The following PSMB7 variants were observed in gnomAD, a reference collection of about 807,000 sequenced individuals.
PSMB7 encodes the protein proteasome 20S subunit beta 7, also known as proteasome subunit beta type-7.
In PSMB7, 5 loss-of-function variants were observed where a neutral mutation model predicts 28.1. The observed-to-expected ratio is 0.18, with a 90% CI of 0.09 to 0.37. The LOEUF is 0.37. Ranked by LOEUF, PSMB7 falls within the 10% of genes least tolerant of loss-of-function variation. The probability of loss-of-function intolerance (pLI) is 1.00; values close to 1 mark genes in which losing one functional copy is unlikely to be tolerated. For synonymous variants in PSMB7, 122 were observed against 123.7 expected (o/e 0.99, Z 0.09); for missense variants, 275 against 346.2 (o/e 0.79, Z 1.63).
At chr9:124,381,153 C>A (rs1830660890) in intron 6 of PSMB7, among the ~76,000 whole-genome samples, 1 of 152,142 alleles carries the variant, frequency 6.6e-6, no homozygotes, top group South Asian at 2.1e-4. Flanking sequence ...TAGCGCTGGA[C>A]AGTGCAGCTA....
intron 5 of PSMB7, among the ~76,000 whole-genome samples, chr9:124,394,173 G>A (rs1830819647): frequency 6.6e-6 from 1 of 152,188 alleles, no homozygotes; most frequent in African/African-American, 2.4e-5. Flanking sequence ...AAGGAAGGAG[G>A]CTACCCAAAG....
intron 6 of PSMB7, among the ~76,000 whole-genome samples, chr9:124,361,355 A>G (rs1421928573): frequency 6.6e-6 from 1 of 152,214 alleles, no homozygotes; most frequent in Admixed American, 6.5e-5. Flanking sequence ...AATGGGCAGC[A>G]CTTGTAAAAG....
At chr9:124,394,855 C>A (rs150303270) in intron 5 of PSMB7, among the ~76,000 whole-genome samples, 2 of 152,178 alleles carry the variant, frequency 1.3e-5, no homozygotes, top group South Asian at 4.1e-4. Context: ...TCAACTTTCA[C>A]GGGCTTTTGG....
chr9:124,354,339 T>C (rs1830375555), intron 7 of PSMB7, among the ~76,000 whole-genome samples: 1 of 152,220 alleles, frequency 6.6e-6, no homozygotes, highest in Admixed American at 6.5e-5. Context: ...CCAGACTGTC[T>C]AGAAGATATG....
At chr9:124,354,102 C>T (rs539106871) in intron 7 of PSMB7, among the ~76,000 whole-genome samples, 4 of 152,312 alleles carry the variant, frequency 2.6e-5, no homozygotes, top group East Asian at 3.9e-4. Context: ...ATTGCTCTTC[C>T]GTGCAGCAAC....
intron 6 of PSMB7, among the ~76,000 whole-genome samples, chr9:124,366,284 G>A (rs1446028481): frequency 6.6e-6 from 1 of 152,080 alleles, no homozygotes; most frequent in Non-Finnish European, 1.5e-5. Flanking sequence ...GTGGTGATGC[G>A]AGCCTGCTGT....
chr9:124,398,441 A>G (rs2131172498), intron 5 of PSMB7: 1 of 343,118 alleles, frequency 2.9e-6, no homozygotes, highest in Non-Finnish European at 5.9e-6. Flanking sequence ...GTGATCTTAC[A>G]TTCTCTGTAA....
intron 5 of PSMB7, among the ~76,000 whole-genome samples, chr9:124,397,729 T>G (rs1203592977): frequency 1.3e-5 from 2 of 152,262 alleles, no homozygotes; most frequent in Non-Finnish European, 2.9e-5. Context: ...ATATTCATTT[T>G]CTCACTTAAG....
chr9:124,401,616 G>A (rs1320135013), intron 5 of PSMB7, among the ~76,000 whole-genome samples: 2 of 152,206 alleles, frequency 1.3e-5, no homozygotes, highest in Admixed American at 6.5e-5. Context: ...GCCCTCGTCA[G>A]TAGGTACATC....
chr9:124,400,296 A>G (rs1830887969), intron 5 of PSMB7, among the ~76,000 whole-genome samples: 1 of 152,170 alleles, frequency 6.6e-6, no homozygotes, highest in Non-Finnish European at 1.5e-5. Flanking sequence ...AGACTGGCAA[A>G]AATACTCAGC....
At chr9:124,363,550 G>A (rs1398777583) in intron 6 of PSMB7, among the ~76,000 whole-genome samples, 1 of 152,168 alleles carries the variant, frequency 6.6e-6, no homozygotes, top group Admixed American at 6.5e-5. Context: ...AGTTTGGCCT[G>A]AGCTTTCTGG....
chr9:124,403,933 C>A lies in PSMB7; in HGVS notation c.511+1384G>T, dbSNP rs548396434. Among the ~76,000 whole-genome samples the A allele has an allele frequency of 2.6e-5, 4 of 150,952 alleles. No homozygotes were observed. In the South Asian group the frequency reaches 8.4e-4, roughly 32 times the overall value. ...AACAGACAGGGTCTCACTCTGTTGC[C>A]CAAGATGTAGTACAATGGCTTGATC... On this transcript the variant is annotated intron_variant, in intron 5 of 7. Transcript: ENST00000259457.
intron 5 of PSMB7, among the ~76,000 whole-genome samples, chr9:124,401,948 A>G (rs1221120137): frequency 6.6e-6 from 1 of 151,654 alleles, no homozygotes; most frequent in African/African-American, 2.4e-5. Flanking sequence ...GAACCCGGGA[A>G]GCAGGGGTTG....
chr9:124,363,514 C>G (rs1180226925), intron 6 of PSMB7, among the ~76,000 whole-genome samples: 1 of 152,080 alleles, frequency 6.6e-6, no homozygotes, highest in African/African-American at 2.4e-5. Flanking sequence ...GGCTGTGTGA[C>G]AAGAGCAAAG....
At chr9:124,365,241 A>G (rs1830496178) in intron 6 of PSMB7, among the ~76,000 whole-genome samples, 1 of 152,164 alleles carries the variant, frequency 6.6e-6, no homozygotes, top group African/African-American at 2.4e-5. Context: ...AGGGGAAACA[A>G]GGAGATAATC....
chr9:124,413,689 G>A (rs960383668), intron 3 of PSMB7, among the ~76,000 whole-genome samples: 3 of 152,146 alleles, frequency 2.0e-5, no homozygotes, highest in Non-Finnish European at 4.4e-5. Context: ...GATTCAAGAG[G>A]CACAGAGAGG....
At chr9:124,376,276 G>T (rs924533410) in intron 6 of PSMB7, among the ~76,000 whole-genome samples, 1 of 151,858 alleles carries the variant, frequency 6.6e-6, no homozygotes, top group African/African-American at 2.4e-5. Context: ...CTGTACATCA[G>T]CTATATGGAG....
At chr9:124,402,109 T>C (rs184329386) in intron 5 of PSMB7, among the ~76,000 whole-genome samples, 1 of 152,260 alleles carries the variant, frequency 6.6e-6, no homozygotes, top group East Asian at 1.9e-4. Context: ...ATGTTACTGA[T>C]GTCTCATTCT....
chr9:124,403,105 C>G (rs1249583606), intron 5 of PSMB7, among the ~76,000 whole-genome samples: 1 of 152,098 alleles, frequency 6.6e-6, no homozygotes, highest in Non-Finnish European at 1.5e-5. Flanking sequence ...TGGAAAAACA[C>G]CAGCTACACG....
Sources: gnomAD v4.1 joint callset for allele counts (sites outside exome capture counted in the v4.1 genomes callset) on GRCh38, gnomAD v4.1.1 for gene constraint, MANE v1.5 for transcripts, NCBI Gene and HGNC (gene_info 2026-07-23, HGNC 2026-07-21) for gene names.